Variants in ADGRL3 observed in about 807,000 individuals in gnomAD.
ADGRL3 encodes the protein adhesion G protein-coupled receptor L3.
Under a neutral mutation model 153.5 loss-of-function variants are expected in ADGRL3, and 62 were observed. The observed-to-expected ratio is 0.40, with a 90% CI of 0.33 to 0.50. ADGRL3 has a LOEUF of 0.50. ADGRL3 is among the 20% of genes least tolerant of loss of function. The pLI is 0.47. For missense variants in ADGRL3, 1,641 were observed against 1,859.4 expected (o/e 0.88, Z 2.16); for synonymous variants, 710 against 672.5 (o/e 1.06, Z -0.86).
At chr4:61,641,555 C>T (rs1157256022) in intron 5 of ADGRL3, among the ~76,000 whole-genome samples, 10 of 149,848 alleles carry the variant, frequency 6.7e-5, no homozygotes, top group East Asian at 2.0e-4. Flanking sequence ...TTTGTTCTTG[C>T]GATAGTTTAC....
At chr4:61,431,057 G>A (rs1026990383) in intron 2 of ADGRL3, among the ~76,000 whole-genome samples, 30 of 152,174 alleles carry the variant, frequency 2.0e-4, no homozygotes, top group African/African-American at 7.2e-4. Flanking sequence ...ATGAGCCAGA[G>A]CTAGAGTAAG....
chr4:61,265,551 T>C (rs917078887), intron 1 of ADGRL3, among the ~76,000 whole-genome samples: 2 of 151,820 alleles, frequency 1.3e-5, no homozygotes, highest in African/African-American at 4.8e-5. Context: ...ACCTCCAATT[T>C]CTGTGAGCTA....
chr4:61,504,943 A>T lies in ADGRL3; in HGVS notation c.55+7595A>T, dbSNP rs116251464. On this transcript the variant is annotated intron_variant, in intron 3 of 26. Transcript: ENST00000683033. The stretch of plus-strand genomic sequence containing the variant: ...ATGAGAGTGCACATAGCTCTTCAAA[A>T]TACTTATTTTCTTTCTTTTCCACAT... Among the ~76,000 whole-genome samples the T allele has an allele frequency of 3.5e-3, 530 of 152,250 alleles. 4 individuals are homozygous for T. The highest frequency in any genetic ancestry group is 0.012 in the African/African-American group (505 of 41,560).
In ADGRL3 at chr4:61,201,016, C is replaced by T. The variant is rs960475906; in HGVS notation, c.-989C>T. The stretch of plus-strand genomic sequence containing the variant: ...TCCGGCTGTCCGCGGAGGTTGCGGG[C>T]TTGAGAGGGGACCCTCGGCTGGGAG... On this transcript the variant is annotated 5_prime_UTR_variant, in exon 1 of 27. Coordinates refer to ENST00000683033, the MANE Select transcript of ADGRL3 (RefSeq NM_001387552.1). 6.6e-6 allele frequency among the ~76,000 whole-genome samples: 1 copy of T among 152,140 alleles called. No homozygotes were observed. Among genetic ancestry groups the T allele is most frequent in the African/African-American group, 2.4e-5 (1 of 41,442 alleles).
At chr4:61,569,992 A>C (rs1400524209) in intron 4 of ADGRL3, among the ~76,000 whole-genome samples, 1 of 152,150 alleles carries the variant, frequency 6.6e-6, no homozygotes, top group African/African-American at 2.4e-5. Flanking sequence ...TATTTGATGA[A>C]TATTTGGATT....
chr4:61,770,399 G>A (rs938065244), intron 8 of ADGRL3, among the ~76,000 whole-genome samples: 12 of 152,014 alleles, frequency 7.9e-5, no homozygotes, highest in Non-Finnish European at 1.2e-4. Flanking sequence ...AAGATCACCC[G>A]CAGGTCCTAG....
chr4:61,909,730 C>G lies in ADGRL3; in HGVS notation c.2058C>G (p.Ala686=). The change falls in exon 12 of 27, where the codon GCC becomes GCG. Residue 686 remains alanine (A), a synonymous_variant. Transcript: ENST00000683033. ...NLTPGGKDSA[A]RSLNKLQKRE... ...CCCCAGGTGGAAAAGATAGTGCTGC[C>G]CGGAGTTTGAACAAGGTAAGGACCC... The G allele has an allele frequency of 6.4e-7, 1 of 1,553,692 alleles. No individual in the cohort carries two copies. The highest frequency in any genetic ancestry group is 8.7e-7 in the Non-Finnish European group (1 of 1,149,424).
chr4:61,852,865 T>C (rs1440659213), intron 9 of ADGRL3, among the ~76,000 whole-genome samples: 1 of 151,988 alleles, frequency 6.6e-6, no homozygotes, highest in Admixed American at 6.6e-5. Context: ...TACATGCAGC[T>C]GTGTTTAGAG....
intron 3 of ADGRL3, among the ~76,000 whole-genome samples, chr4:61,508,096 A>T (rs1197874875): frequency 6.6e-6 from 1 of 152,104 alleles, no homozygotes; most frequent in Non-Finnish European, 1.5e-5. Flanking sequence ...TATGGATTTT[A>T]TTTGACTGGA....
intron 4 of ADGRL3, among the ~76,000 whole-genome samples, chr4:61,536,044 G>C (rs1161431874): frequency 6.6e-6 from 1 of 151,762 alleles, no homozygotes; most frequent in East Asian, 1.9e-4. Context: ...TATAAACTTT[G>C]CTGTTTTTTT....
chr4:62,017,650 C>G (rs371119130), intron 21 of ADGRL3, among the ~76,000 whole-genome samples: 2 of 151,300 alleles, frequency 1.3e-5, no homozygotes, highest in Admixed American at 6.6e-5. Flanking sequence ...TTTTTTTGTC[C>G]TGGTAAAGAT....
In ADGRL3 at chr4:61,981,122, C is replaced by T. The variant is rs186360270; in HGVS notation, c.3015+1350C>T. ...ACAATAAAGGAGATGTACATTTCTT[C>T]GGAAATTATTTCATAAACTTGTCTT... On this transcript the variant is annotated intron_variant, in intron 18 of 26. Coordinates refer to ENST00000683033, the MANE Select transcript of ADGRL3 (RefSeq NM_001387552.1). 1.9e-3 allele frequency among the ~76,000 whole-genome samples: 284 copies of T among 152,180 alleles called. 1 individual carries two copies. The highest frequency in any genetic ancestry group is 6.8e-3 in the Middle Eastern group (2 of 294).
chr4:61,995,438 A>C (rs187712099), intron 19 of ADGRL3, among the ~76,000 whole-genome samples: 3 of 152,236 alleles, frequency 2.0e-5, no homozygotes, highest in Non-Finnish European at 2.9e-5. Flanking sequence ...TGTTTATATT[A>C]TATAGCAAAC....
chr4:61,958,711 G>A (rs546774998), intron 17 of ADGRL3, among the ~76,000 whole-genome samples: 7 of 152,114 alleles, frequency 4.6e-5, no homozygotes, highest in East Asian at 1.9e-4. Flanking sequence ...CAGCATGGGG[G>A]AAACTGCCCC....
Position 61,410,321 on chromosome 4 carries a change from A to C in ADGRL3, c.-174+27132A>C, listed in dbSNP as rs952270088. On this transcript the variant is annotated intron_variant, in intron 2 of 26. Coordinates refer to ENST00000683033, the MANE Select transcript of ADGRL3 (RefSeq NM_001387552.1). ...TCTCAACGATATTCCCCAAATATAA[A>C]CATTGTACCTTTTATCACATTGCTT... 7.2e-5 allele frequency among the ~76,000 whole-genome samples: 11 copies of C among 152,126 alleles called. No homozygotes were observed. In the East Asian group the frequency reaches 1.9e-3, roughly 27 times the overall value.
At chr4:61,372,034 C>T (rs1352182805) in intron 1 of ADGRL3, among the ~76,000 whole-genome samples, 2 of 152,172 alleles carry the variant, frequency 1.3e-5, no homozygotes, top group Non-Finnish European at 2.9e-5. Flanking sequence ...GCTCCTGAGG[C>T]TTCTGCATTC....
At chr4:61,731,656 G>A (rs1212740896) in intron 7 of ADGRL3, among the ~76,000 whole-genome samples, 12 of 152,048 alleles carry the variant, frequency 7.9e-5, no homozygotes, top group Non-Finnish European at 1.6e-4. Context: ...GGAGATTCAC[G>A]AATGTACTTA....
chr4:61,985,918 A>AAC (rs1553902624), intron 19 of ADGRL3, among the ~76,000 whole-genome samples: 1 of 150,466 alleles, frequency 6.6e-6, no homozygotes, highest in East Asian at 1.9e-4. Flanking sequence ...AAAAAAAAAA[A>AAC]ACAAAAAAAC....
chr4:61,476,644 G>C (rs1040830636), intron 2 of ADGRL3, among the ~76,000 whole-genome samples: 3 of 140,056 alleles, frequency 2.1e-5, no homozygotes, highest in African/African-American at 7.8e-5. Flanking sequence ...GGGAGGTGGA[G>C]GTTGTGGTGA....
Sources: allele counts gnomAD v4.1 joint callset (sites outside exome capture counted in the v4.1 genomes callset), GRCh38; gene constraint gnomAD v4.1.1; transcripts MANE v1.5; gene names NCBI Gene and HGNC (gene_info 2026-07-23, HGNC 2026-07-21).